Variants in ATXN10 observed in about 807,000 individuals in gnomAD.
The protein encoded by ATXN10 is ataxin-10.
A neutral mutation model predicts 52.9 loss-of-function variants in ATXN10; 28 were observed. The observed-to-expected ratio is 0.53, with a 90% CI of 0.39 to 0.73. The LOEUF (loss-of-function observed/expected upper bound fraction) is 0.73, where lower values mean the gene tolerates loss of function less well. Among genes scored for constraint, ATXN10 ranks in the 30% least tolerant of loss-of-function variants. ATXN10 has a pLI of 0.00. For synonymous variants in ATXN10, 226 were observed against 221.5 expected, an observed-to-expected ratio of 1.02 and a Z score of -0.18; for missense variants, 565 against 577.0, an observed-to-expected ratio of 0.98 and a Z score of 0.21.
intron 9 of ATXN10, among the ~76,000 whole-genome samples, chr22:45,753,509 G>A (rs1013736217): frequency 1.4e-5 from 2 of 144,808 alleles, no homozygotes; most frequent in Non-Finnish European, 3.0e-5. Context: ...GGGATTAAGC[G>A]ATTCTCTTGC....
Position 45,793,542 on chromosome 22 carries a change from A to G in ATXN10, c.1174-13417A>G, listed in dbSNP as rs530551383. On this transcript the variant is annotated intron_variant, in intron 9 of 11. Coordinates refer to ENST00000252934, the MANE Select transcript of ATXN10 (RefSeq NM_013236.4). ...ATTCTCTTTAACAAATAATTCTGTCAAGCTCTTCAATCTTTCTGTGACAAA... is the reference window on the plus strand; with the variant it reads ...ATTCTCTTTAACAAATAATTCTGTCGAGCTCTTCAATCTTTCTGTGACAAA... The G allele has an allele frequency of 2.9e-5, 36 of 1,255,024 alleles. No homozygotes were observed. In the African/African-American group the frequency reaches 4.3e-4, roughly 15 times the overall value. The allele number at this position is 1,255,024 out of a possible 1,614,324, so 77.7% of individuals were successfully genotyped here.
At chr22:45,782,203 C>T (rs1266290759) in intron 9 of ATXN10, among the ~76,000 whole-genome samples, 1 of 152,166 alleles carries the variant, frequency 6.6e-6, no homozygotes, top group African/African-American at 2.4e-5. Flanking sequence ...TTCTTCATGA[C>T]TCGGGCCTAT....
At chr22:45,801,815 A>C (rs1927940074) in intron 9 of ATXN10, among the ~76,000 whole-genome samples, 1 of 152,236 alleles carries the variant, frequency 6.6e-6, no homozygotes, top group Non-Finnish European at 1.5e-5. Context: ...AAATGAAAAT[A>C]ATATTACAAA....
At position 45,672,075 on chromosome 22, in the gene ATXN10, C is replaced by T; in HGVS notation, c.12C>T (p.Pro4=). 6.5e-7 allele frequency: 1 copy of T among 1,537,792 alleles called. No homozygotes were observed. The highest frequency in any genetic ancestry group is 8.7e-7 in the Non-Finnish European group (1 of 1,145,396). The part of the protein sequence containing the change: MAA[P]RPPPARLSGV... ...CTGTGAGCGGCAAGATGGCGGCGCC[C>T]AGGCCGCCGCCTGCCAGGCTGTCGG... Residue 4 remains proline, a synonymous_variant, in exon 1 of 12, where the codon CCC becomes CCT. Coordinates refer to ENST00000252934, the MANE Select transcript of ATXN10 (RefSeq NM_013236.4).
intron 1 of ATXN10, among the ~76,000 whole-genome samples, chr22:45,686,057 G>C (rs1181315435): frequency 1.3e-5 from 2 of 152,206 alleles, no homozygotes; most frequent in African/African-American, 2.4e-5. Flanking sequence ...ACGTTTTTAA[G>C]TTTCTGAGTA....
At position 45,800,384 on chromosome 22, in the gene ATXN10, T is replaced by A. The variant is rs142135463; in HGVS notation, c.1174-6575T>A. 6.4e-4 allele frequency among the ~76,000 whole-genome samples: 97 copies of A among 152,340 alleles called. No homozygotes were observed. In the East Asian group the frequency reaches 9.6e-3, roughly 15 times the overall value. ...AAGTACCTGAAGATACTTTACATTATTAGCCATCAGGGAAATGTAAATTAA... is the reference window on the plus strand; with the variant it reads ...AAGTACCTGAAGATACTTTACATTAATAGCCATCAGGGAAATGTAAATTAA... On this transcript the variant is annotated intron_variant, in intron 9 of 11. Transcript: ENST00000252934.
At chr22:45,699,338 G>A (rs1923743386) in intron 3 of ATXN10, among the ~76,000 whole-genome samples, 1 of 151,976 alleles carries the variant, frequency 6.6e-6, no homozygotes, top group African/African-American at 2.4e-5. Flanking sequence ...CTGATCCTGA[G>A]CATTAATCTT....
At chr22:45,682,663 C>T (rs900903944) in intron 1 of ATXN10, among the ~76,000 whole-genome samples, 7 of 152,260 alleles carry the variant, frequency 4.6e-5, no homozygotes, top group Middle Eastern at 3.4e-3. Flanking sequence ...GACTACTTCA[C>T]ATTCTACTTG....
At position 45,840,209 on chromosome 22, in the gene ATXN10, A is replaced by C. The variant is rs1929300508; in HGVS notation, c.1238-2782A>C. 6.6e-6 allele frequency among the ~76,000 whole-genome samples: 1 copy of C among 152,212 alleles called. No homozygotes were observed. The highest frequency in any genetic ancestry group is 2.4e-5 in the African/African-American group (1 of 41,466). Reference sequence around the variant, plus strand: ...TTCAATAAATATGTATTGAACATCCACTTTGTGCTGGGAACGAGACTCGGT... The same window carrying C: ...TTCAATAAATATGTATTGAACATCCCCTTTGTGCTGGGAACGAGACTCGGT... On this transcript the variant is annotated intron_variant, in intron 10 of 11. Transcript: ENST00000252934. The surrounding 1 kb of genome is among the most constrained non-coding windows in gnomAD (Gnocchi z 5.8).
chr22:45,774,420 T>A lies in ATXN10; in HGVS notation c.1174-32539T>A, dbSNP rs1430378870. ...TCCTGTGGGAGAGCTCCAGGTCTCCTGTTCCTTATGTTGGAAATGAAGTCT... is the reference window on the plus strand; with the variant it reads ...TCCTGTGGGAGAGCTCCAGGTCTCCAGTTCCTTATGTTGGAAATGAAGTCT... On this transcript the variant is annotated intron_variant, in intron 9 of 11. Coordinates refer to ENST00000252934, the MANE Select transcript of ATXN10 (RefSeq NM_013236.4). This position sits in a 1 kb window ranked among gnomAD's most constrained non-coding sequence, Gnocchi z 6.2. Among the ~76,000 whole-genome samples, 1 of 152,230 alleles carries A rather than the reference T, an allele frequency of 6.6e-6. No individual in the cohort carries two copies. Among genetic ancestry groups the A allele is most frequent in the Non-Finnish European group, 1.5e-5 (1 of 68,046 alleles).
chr22:45,737,084 G>C (rs1381860294), intron 7 of ATXN10, among the ~76,000 whole-genome samples: 1 of 152,338 alleles, frequency 6.6e-6, no homozygotes, highest in East Asian at 1.9e-4. Flanking sequence ...AAGATGACCA[G>C]TGAGTTGGTT....
intron 9 of ATXN10, among the ~76,000 whole-genome samples, chr22:45,758,745 C>T (rs1926269005): frequency 6.6e-6 from 1 of 152,222 alleles, no homozygotes; most frequent in Non-Finnish European, 1.5e-5. Context: ...CTTGATAGAG[C>T]AGTATGCGAT....
intron 9 of ATXN10, chr22:45,792,993 C>T (rs906727769): frequency 9.7e-6 from 3 of 309,194 alleles, no homozygotes; most frequent in African/African-American, 6.5e-5. Context: ...TTTAGTTCCA[C>T]CCAAATGCTT....
At chr22:45,797,152 A>C (rs1383243574) in intron 9 of ATXN10, among the ~76,000 whole-genome samples, 1 of 152,254 alleles carries the variant, frequency 6.6e-6, no homozygotes, top group South Asian at 2.1e-4. Context: ...TCTTATCTTT[A>C]TAAATTACAG....
intron 6 of ATXN10, among the ~76,000 whole-genome samples, chr22:45,719,554 T>C (rs1020018582): frequency 7.0e-6 from 1 of 143,338 alleles, no homozygotes; most frequent in Admixed American, 6.8e-5. Flanking sequence ...TAAAAATTAG[T>C]ATTTTTTTTT....
rs1372847770 is a variant in ATXN10, at chr22:45,819,823, C to A, written c.1237+12801C>A. 6.6e-6 allele frequency among the ~76,000 whole-genome samples: 1 copy of A among 152,160 alleles called. No individual in the cohort carries two copies. Among genetic ancestry groups the A allele is most frequent in the African/African-American group, 2.4e-5 (1 of 41,426 alleles). ...TTTGGATACGTTGAGAAAGTTAATA[C>A]CTTTTTAAATTGCGAAACTTAAATA... On this transcript the variant is annotated intron_variant, in intron 10 of 11. Transcript: ENST00000252934. The surrounding 1 kb of genome is among the most constrained non-coding windows in gnomAD (Gnocchi z 4.5).
At chr22:45,693,589 A>T (rs544502608) in intron 3 of ATXN10, among the ~76,000 whole-genome samples, 1 of 152,296 alleles carries the variant, frequency 6.6e-6, no homozygotes, top group South Asian at 2.1e-4. Flanking sequence ...GCCCCATCTT[A>T]TACTAGCAAG....
intron 9 of ATXN10, among the ~76,000 whole-genome samples, chr22:45,746,139 C>T (rs534373866): frequency 1.3e-4 from 19 of 151,896 alleles, no homozygotes; most frequent in East Asian, 3.9e-4. Context: ...GTTTAGGCTT[C>T]GTAGATCTGA....
chr22:45,800,556 C>T (rs931974280), intron 9 of ATXN10, among the ~76,000 whole-genome samples: 1 of 152,134 alleles, frequency 6.6e-6, no homozygotes, highest in African/African-American at 2.4e-5. Flanking sequence ...TAAAGTTGAA[C>T]ATATACTTCA....
Sources: gnomAD v4.1 joint callset for allele counts (sites outside exome capture counted in the v4.1 genomes callset) on GRCh38, gnomAD v4.1.1 for gene constraint, Gnocchi (gnomAD v3.1) non-coding constraint, MANE v1.5 for transcripts, NCBI Gene and HGNC (gene_info 2026-07-23, HGNC 2026-07-21) for gene names.